KLHL7: variants seen among roughly 807,000 people sequenced by gnomAD.
KLHL7 encodes the protein kelch-like protein 7.
A neutral mutation model predicts 67.4 loss-of-function variants in KLHL7; 44 were observed. The ratio of observed to expected loss-of-function variants is 0.65; its 90% CI spans 0.51 to 0.84. The LOEUF is 0.84. KLHL7 is among the 40% of genes least tolerant of loss of function. KLHL7 has a pLI of 0.00. For missense variants in KLHL7, 362 were observed against 718.1 expected (o/e 0.50, Z 5.67); for synonymous variants, 252 against 243.3 (o/e 1.04, Z -0.33).
intron 9 of KLHL7, among the ~76,000 whole-genome samples, chr7:23,169,459 A>G (rs919684238): frequency 1.3e-5 from 2 of 152,094 alleles, no homozygotes; most frequent in Non-Finnish European, 2.9e-5. Flanking sequence ...GCTCCCTTTT[A>G]TGTGAACCTC....
intron 1 of KLHL7, among the ~76,000 whole-genome samples, chr7:23,109,048 G>C (rs1258337247): frequency 6.6e-6 from 1 of 152,106 alleles, no homozygotes; most frequent in Non-Finnish European, 1.5e-5. Flanking sequence ...ATTTGTGTTG[G>C]GAAATACCAA....
chr7:23,114,256 C>G (rs764533), intron 1 of KLHL7, among the ~76,000 whole-genome samples: 2 of 150,338 alleles, frequency 1.3e-5, no homozygotes, highest in Non-Finnish European at 2.9e-5. Context: ...GTAGGACATA[C>G]GACTGTGCAG....
At chr7:23,108,500 CCAA>C (rs765376196) in intron 1 of KLHL7, among the ~76,000 whole-genome samples, 14 of 152,286 alleles carry the variant, frequency 9.2e-5, no homozygotes, top group African/African-American at 2.6e-4. Flanking sequence ...GCACATCCCA[CCAA>C]CAAGACGAGA....
intron 9 of KLHL7, among the ~76,000 whole-genome samples, chr7:23,169,502 A>C (rs1401424068): frequency 6.6e-6 from 1 of 152,148 alleles, no homozygotes; most frequent in East Asian, 1.9e-4. Context: ...AGGCTCAAAA[A>C]GTGTTACAGC....
chr7:23,133,731 G>A (rs993503758), intron 4 of KLHL7, among the ~76,000 whole-genome samples: 1 of 152,138 alleles, frequency 6.6e-6, no homozygotes, highest in Admixed American at 6.5e-5. Context: ...ACCATGCCCA[G>A]CCCTCTTATT....
At chr7:23,141,013 T>G in intron 5 of KLHL7, 69 bp downstream of exon 5, 1 of 1,247,984 alleles carries the variant, frequency 8.0e-7, no homozygotes, top group Non-Finnish European at 1.2e-6. Context: ...AACTCATGTT[T>G]GGACACATGA....
At chr7:23,124,061 T>C (rs887435784) in intron 2 of KLHL7, among the ~76,000 whole-genome samples, 182 bp downstream of exon 2, 1 of 151,994 alleles carries the variant, frequency 6.6e-6, no homozygotes, top group African/African-American at 2.4e-5. Flanking sequence ...TCATTAGACC[T>C]AAAGGCCTGA....
intron 6 of KLHL7, among the ~76,000 whole-genome samples, chr7:23,146,073 C>A (rs1045487151): frequency 6.6e-6 from 1 of 152,166 alleles, no homozygotes; most frequent in Non-Finnish European, 1.5e-5. Flanking sequence ...CTGTGCTGTT[C>A]TCTGAGTCTG....
intron 6 of KLHL7, among the ~76,000 whole-genome samples, chr7:23,146,514 G>GT: frequency 6.6e-6 from 1 of 152,180 alleles, no homozygotes; most frequent in Non-Finnish European, 1.5e-5. Flanking sequence ...CTGATCTCAT[G>GT]TTGTTTTTAT....
intron 1 of KLHL7, chr7:23,117,907 T>TA: frequency 1.9e-6 from 3 of 1,614,134 alleles, no homozygotes; most frequent in Non-Finnish European, 1.7e-6. Context: ...GCCAATTTGA[T>TA]ATCATGCTGG....
At chr7:23,130,511 G>T (rs1279129105) in intron 4 of KLHL7, among the ~76,000 whole-genome samples, 1 of 152,090 alleles carries the variant, frequency 6.6e-6, no homozygotes, top group African/African-American at 2.4e-5. Flanking sequence ...TTAGCATATG[G>T]GAATATATTA....
At position 23,152,223 on chromosome 7, in the gene KLHL7, A is replaced by G. The variant is rs1784558306; in HGVS notation, c.936+14A>G. 3 of 1,613,266 alleles carry G rather than the reference A, an allele frequency of 1.9e-6. No individual in the cohort carries two copies. Among genetic ancestry groups the G allele is most frequent in the African/African-American group, 2.7e-5 (2 of 75,018 alleles). On this transcript the variant is annotated intron_variant, in intron 7 of 10. Coordinates refer to ENST00000339077, the MANE Select transcript of KLHL7 (RefSeq NM_001031710.3). ...TTTAACCCAAAGGTAACTAATTTTT[A>G]TTCTTGGTTTTTGTTGTTGTCTTTG... is the stretch of plus-strand genomic sequence containing the variant.
In KLHL7 at chr7:23,138,695, A is replaced by G. The variant is rs377358232; in HGVS notation, c.443-2074A>G. Among the ~76,000 whole-genome samples, 25 of 150,834 alleles carry G rather than the reference A, an allele frequency of 1.7e-4. No individual in the cohort carries two copies. The East Asian group carries it at 4.2e-3, about 25-fold the overall frequency. On this transcript the variant is annotated intron_variant, in intron 4 of 10. Coordinates refer to ENST00000339077, the MANE Select transcript of KLHL7 (RefSeq NM_001031710.3). ...TGGGATTATAGATGCGCGCCACCACACTCAGCTGATTTTTGTATTTTTAGT... is the reference window on the plus strand; with the variant it reads ...TGGGATTATAGATGCGCGCCACCACGCTCAGCTGATTTTTGTATTTTTAGT...
chr7:23,141,858 T>C (rs1020258823), intron 5 of KLHL7, among the ~76,000 whole-genome samples: 13 of 152,112 alleles, frequency 8.5e-5, no homozygotes, highest in South Asian at 4.2e-4. Context: ...CTCCTGACCT[T>C]GTGATCTGCC....
intron 4 of KLHL7, among the ~76,000 whole-genome samples, chr7:23,134,668 G>C (rs1783914942): frequency 6.6e-6 from 1 of 152,034 alleles, no homozygotes; most frequent in African/African-American, 2.4e-5. Context: ...ATTACTTCCT[G>C]ATTCAATCTT....
intron 1 of KLHL7, among the ~76,000 whole-genome samples, chr7:23,107,305 G>A (rs1024263432): frequency 6.6e-6 from 1 of 152,152 alleles, no homozygotes; most frequent in Non-Finnish European, 1.5e-5. Context: ...TCAAATTCAT[G>A]TTCCTTTCAT....
chr7:23,168,123 A>G, intron 9 of KLHL7, 86 bp downstream of exon 9: 1 of 1,327,668 alleles, frequency 7.5e-7, no homozygotes, highest in Non-Finnish European at 1.1e-6. Flanking sequence ...GGAACCCAAC[A>G]GAAGAATTTT....
intron 8 of KLHL7, among the ~76,000 whole-genome samples, 200 bp from the exon 9 acceptor site, chr7:23,167,636 G>A (rs1486311297): frequency 6.6e-6 from 1 of 152,042 alleles, no homozygotes; most frequent in Non-Finnish European, 1.5e-5. Context: ...TCCTTTTAAG[G>A]ATGTTTTCCA....
At chr7:23,152,985 T>A (rs1784586414) in intron 7 of KLHL7, among the ~76,000 whole-genome samples, 1 of 152,140 alleles carries the variant, frequency 6.6e-6, no homozygotes. Flanking sequence ...CACATAATGA[T>A]CTCTTTCATG....
Sources: allele counts gnomAD v4.1 joint callset (sites outside exome capture counted in the v4.1 genomes callset), GRCh38; gene constraint gnomAD v4.1.1; transcripts MANE v1.5; gene names NCBI Gene and HGNC (gene_info 2026-07-23, HGNC 2026-07-21).